RSF1: variants seen among roughly 807,000 people sequenced by gnomAD.
RSF1 encodes the protein HBV pX-associated protein 8.
RSF1 carries 13 observed loss-of-function variants against 145.2 expected under a neutral mutation model. The ratio of observed to expected loss-of-function variants is 0.09; its 90% confidence interval spans 0.06 to 0.14. The LOEUF (loss-of-function observed/expected upper bound fraction) is 0.14. Ranked by LOEUF, RSF1 falls within the 10% of genes least tolerant of loss-of-function variation. RSF1 has a pLI of 1.00. For missense variants in RSF1, 1,517 were observed against 1,718.2 expected (o/e 0.88, Z 2.07); for synonymous variants, 577 against 592.6 (o/e 0.97, Z 0.38).
At chr11:77,753,305 G>A (rs1378270829) in intron 2 of RSF1, among the ~76,000 whole-genome samples, 1 of 152,172 alleles carries the variant, frequency 6.6e-6, no homozygotes, top group Non-Finnish European at 1.5e-5. Flanking sequence ...GACAATGGGG[G>A]AGATCTAATC....
At chr11:77,769,801 AATTCTT>A (rs1204016601) in intron 1 of RSF1, among the ~76,000 whole-genome samples, 1 of 152,262 alleles carries the variant, frequency 6.6e-6, no homozygotes, top group African/African-American at 2.4e-5. Context: ...TAAACACATT[AATTCTT>A]ATTCTTCAAT....
Position 77,661,575 on chromosome 11 carries a change from T to A in RSF1, c.*5342A>T, listed in dbSNP as rs1427610106. On this transcript the variant is annotated 3_prime_UTR_variant, in exon 16 of 16. Transcript: ENST00000308488. ...CCAATTCTGCTAAAGGGCAGGAGAA[T>A]GAAAAAGACATGGCACAAATTTTTA... 6.6e-6 allele frequency: 1 copy of A among 151,936 alleles called. No individual in the cohort carries two copies. Among genetic ancestry groups the A allele is most frequent in the African/African-American group, 2.4e-5 (1 of 41,358 alleles). The allele number at this position is 151,936 out of a possible 1,614,324, so 9.4% of individuals were successfully genotyped here.
chr11:77,695,070 TC>T (rs1335741848), intron 7 of RSF1, among the ~76,000 whole-genome samples: 1 of 152,214 alleles, frequency 6.6e-6, no homozygotes, highest in Non-Finnish European at 1.5e-5. Context: ...GTTGGTTTTA[TC>T]CACTCTAAGG....
At chr11:77,805,593 ATTC>A (rs1330577513) in intron 1 of RSF1, among the ~76,000 whole-genome samples, 2 of 152,222 alleles carry the variant, frequency 1.3e-5, no homozygotes, top group Admixed American at 6.5e-5. Flanking sequence ...CTCTAAAAAA[ATTC>A]TTCTTAAAAG....
chr11:77,719,801 T>C (rs1482942554), intron 5 of RSF1, among the ~76,000 whole-genome samples: 2 of 152,206 alleles, frequency 1.3e-5, no homozygotes, highest in Admixed American at 6.5e-5. Flanking sequence ...AACATGGATG[T>C]TGTAATATTT....
chr11:77,768,308 G>A (rs886456869), intron 1 of RSF1, among the ~76,000 whole-genome samples: 1 of 151,808 alleles, frequency 6.6e-6, no homozygotes, highest in Non-Finnish European at 1.5e-5. Flanking sequence ...GATTACAGGC[G>A]TGCGCCACCA....
At chr11:77,750,112 A>T (rs1948046194) in intron 2 of RSF1, among the ~76,000 whole-genome samples, 1 of 152,104 alleles carries the variant, frequency 6.6e-6, no homozygotes, top group South Asian at 2.1e-4. Context: ...AAAAAAAAAA[A>T]TCCACTAATT....
At chr11:77,781,188 C>A (rs1948400194) in intron 1 of RSF1, among the ~76,000 whole-genome samples, 1 of 151,980 alleles carries the variant, frequency 6.6e-6, no homozygotes, top group Non-Finnish European at 1.5e-5. Context: ...GCAACCTTCA[C>A]CTCCTGGGTT....
upstream of RSF1, among the ~76,000 whole-genome samples, chr11:77,823,711 G>C (rs1439428793): frequency 6.6e-6 from 1 of 150,866 alleles, no homozygotes; most frequent in Non-Finnish European, 1.5e-5. Context: ...TTCATATACT[G>C]GTTACTTAAC....
the RSF1 span, chr11:77,869,857 G>T: frequency 1.3e-6 from 2 of 1,576,944 alleles, no homozygotes; most frequent in South Asian, 2.2e-5. Context: ...GGACAGGTGG[G>T]GATCTCTTGG....
At chr11:77,813,772 C>T (rs939592348) in intron 1 of RSF1, 1 of 273,360 alleles carries the variant, frequency 3.7e-6, no homozygotes, top group Non-Finnish European at 7.3e-6. Flanking sequence ...GCCGCAGCAC[C>T]TACCACCGCG....
At chr11:77,727,794 T>C (rs1231621463) in intron 4 of RSF1, among the ~76,000 whole-genome samples, 1 of 151,994 alleles carries the variant, frequency 6.6e-6, no homozygotes, top group East Asian at 1.9e-4. Context: ...TCCACTACTT[T>C]AAGCAAAAAG....
In RSF1 at chr11:77,676,979, T is replaced by C. The variant is rs765499415; in HGVS notation, c.3154A>G (p.Ile1052Val). ...CCACGATGACCTGTGATGGTGGAGA[T>C]ATCTTTTCCTCGGCCAACTCCTGAA... ...DGGGVGRGKD[I>V]STITGHRGKD... The change falls in exon 13 of 16, where the codon ATC (isoleucine) becomes GTC (valine). Residue 1052 changes from isoleucine (I) to valine (V), a missense_variant. By Grantham distance (29) the Ile-to-Val change is conservative (BLOSUM62 3). Around this residue, in one of 12 missense-constraint regions of RSF1, gnomAD observed 231 missense variants for 276.6 expected, o/e 0.84. Transcript: ENST00000308488. 2.5e-6 allele frequency: 4 copies of C among 1,613,772 alleles called. No individual in the cohort carries two copies. Among genetic ancestry groups the C allele is most frequent in the South Asian group, 1.1e-5 (1 of 90,986 alleles).
chr11:77,777,213 C>A (rs981868931), intron 1 of RSF1, among the ~76,000 whole-genome samples: 15 of 152,180 alleles, frequency 9.9e-5, no homozygotes, highest in Non-Finnish European at 2.2e-4. Flanking sequence ...ACCATTATTA[C>A]CTCTTTGAAA....
intron 5 of RSF1, among the ~76,000 whole-genome samples, 196 bp downstream of exon 5, chr11:77,725,349 G>T (rs1961028349): frequency 6.6e-6 from 1 of 152,048 alleles, no homozygotes; most frequent in Admixed American, 6.6e-5. Context: ...ATTTTTAAAT[G>T]TTCTACATAA....
chr11:77,735,703 A>G (rs1961332311), intron 4 of RSF1, among the ~76,000 whole-genome samples: 1 of 152,004 alleles, frequency 6.6e-6, no homozygotes, highest in Non-Finnish European at 1.5e-5. Context: ...TCAAAATCTC[A>G]TTTGCTTTAC....
chr11:77,821,105 T>G (rs1349308037), upstream of RSF1: 1 of 444,578 alleles, frequency 2.2e-6, no homozygotes. Context: ...GGGCGGGGCC[T>G]CGGGCGCTGT....
intron 1 of RSF1, among the ~76,000 whole-genome samples, chr11:77,798,913 T>C (rs964003259): frequency 6.0e-5 from 9 of 149,726 alleles, no homozygotes; most frequent in Non-Finnish European, 1.2e-4. Context: ...TGTATACCTA[T>C]GTAATGAAAC....
chr11:77,663,540 A>G lies in RSF1; in HGVS notation c.*3377T>C, dbSNP rs1959284378. 1 of 152,228 alleles carries G rather than the reference A, an allele frequency of 6.6e-6. No individual in the cohort carries two copies. The highest frequency in any genetic ancestry group is 1.5e-5 in the Non-Finnish European group (1 of 68,020). 9.4% of individuals were successfully genotyped at this position (152,228 alleles called of 1,614,324 possible). On this transcript the variant is annotated 3_prime_UTR_variant, in exon 16 of 16. Transcript: ENST00000308488. ...TTTTATATATAGATTGCCAGTAGAC[A>G]TGAATTTATTCTAAATGAAACTACC...
Sources: allele counts gnomAD v4.1 joint callset (sites outside exome capture counted in the v4.1 genomes callset), GRCh38; gene constraint gnomAD v4.1.1; regional missense constraint gnomAD v4.1.1; transcripts MANE v1.5; gene names NCBI Gene and HGNC (gene_info 2026-07-23, HGNC 2026-07-21).